COTL1: variants seen among roughly 807,000 people sequenced by gnomAD.
The protein encoded by COTL1 is coactosin-like protein.
A neutral mutation model predicts 16.5 loss-of-function variants in COTL1; 15 were observed. That is an observed-to-expected ratio of 0.91 (90% CI 0.61 to 1.40). The LOEUF is 1.40. Among genes scored for constraint, COTL1 ranks in the 40% most tolerant of loss-of-function variants. COTL1 has a pLI of 0.00. For missense variants in COTL1, 220 were observed against 201.5 expected (o/e 1.09, Z -0.56); for synonymous variants, 112 against 85.3 (o/e 1.31, Z -1.73).
chr16:84,605,413 C>T (rs983315134), intron 2 of COTL1, among the ~76,000 whole-genome samples: 4 of 152,212 alleles, frequency 2.6e-5, no homozygotes, highest in African/African-American at 9.6e-5. Context: ...AACAACGGCC[C>T]CTAAGACATC....
Position 84,590,433 on chromosome 16 carries a change from G to T in COTL1, c.161-171C>A. On this transcript the variant is annotated intron_variant, in intron 2 of 3. Coordinates refer to ENST00000262428, the MANE Select transcript of COTL1 (RefSeq NM_021149.5). The surrounding 1 kb of genome is among the most constrained non-coding windows in gnomAD (Gnocchi z 5.5). Reference sequence around the variant, plus strand: ...GACAGGAGGGAAGCACTCATCCGCTGCCCTTGTCACACTCCCCTGAATCCT... The same window carrying T: ...GACAGGAGGGAAGCACTCATCCGCTTCCCTTGTCACACTCCCCTGAATCCT... The T allele has an allele frequency of 1.6e-6, 1 of 625,070 alleles. No homozygotes were observed. Among genetic ancestry groups the T allele is most frequent in the Non-Finnish European group, 2.6e-6 (1 of 378,270 alleles). 38.7% of individuals were successfully genotyped at this position (625,070 alleles called of 1,614,324 possible).
intron 3 of COTL1, among the ~76,000 whole-genome samples, chr16:84,581,529 G>A (rs1269658170): frequency 6.6e-6 from 1 of 152,070 alleles, no homozygotes; most frequent in Non-Finnish European, 1.5e-5. Context: ...TTGAGATGGA[G>A]TATCACTCTG....
At chr16:84,602,403 C>T (rs558859486) in intron 2 of COTL1, among the ~76,000 whole-genome samples, 5 of 138,186 alleles carry the variant, frequency 3.6e-5, no homozygotes, top group Admixed American at 1.5e-4. Flanking sequence ...AACTTTTTTT[C>T]TTTTAATTAA....
At chr16:84,607,176 C>T (rs530888671) in intron 2 of COTL1, among the ~76,000 whole-genome samples, 11 of 152,264 alleles carry the variant, frequency 7.2e-5, no homozygotes, top group South Asian at 6.2e-4. Flanking sequence ...GACCACCATA[C>T]GGGACACCAA....
intron 2 of COTL1, among the ~76,000 whole-genome samples, chr16:84,604,714 A>AG (rs34115449): frequency 6.6e-6 from 1 of 152,102 alleles, no homozygotes; most frequent in African/African-American, 2.4e-5. Context: ...AGGGGCCCAG[A>AG]GGGGGCTGTG....
chr16:84,614,245 G>T (rs1418820367), intron 2 of COTL1, among the ~76,000 whole-genome samples: 1 of 152,380 alleles, frequency 6.6e-6, no homozygotes, highest in Non-Finnish European at 1.5e-5. Flanking sequence ...AGCAAGAGCG[G>T]AGGTAGCGGA....
intron 3 of COTL1, among the ~76,000 whole-genome samples, chr16:84,583,873 T>A: frequency 6.6e-6 from 1 of 152,146 alleles, no homozygotes; most frequent in South Asian, 2.1e-4. Flanking sequence ...GCCTCTGTTG[T>A]CCTCTGTTCC....
intron 2 of COTL1, among the ~76,000 whole-genome samples, chr16:84,598,811 C>G (rs1209631839): frequency 3.4e-5 from 3 of 89,120 alleles, no homozygotes; most frequent in African/African-American, 1.1e-4. Context: ...CGGCGGGGAC[C>G]AAGCGGCAGG....
At chr16:84,586,471 T>G (rs1002527991) in intron 3 of COTL1, among the ~76,000 whole-genome samples, 1 of 152,128 alleles carries the variant, frequency 6.6e-6, no homozygotes, top group African/African-American at 2.4e-5. Context: ...AGGTTTCCTT[T>G]GGGGGTGATG....
At chr16:84,615,860 T>TGTGTGTGTGA (rs1905465184) in intron 2 of COTL1, 1 of 151,162 alleles carries the variant, frequency 6.6e-6, no homozygotes, top group African/African-American at 2.5e-5. Flanking sequence ...GTTTTGTGTG[T>TGTGTGTGTGA]GTGTGTGTGT....
At chr16:84,614,969 T>A (rs1467406638) in intron 2 of COTL1, among the ~76,000 whole-genome samples, 2 of 152,158 alleles carry the variant, frequency 1.3e-5, no homozygotes, top group Non-Finnish European at 2.9e-5. Context: ...TCTCTGGGCC[T>A]CCGTTTCCTC....
intron 3 of COTL1, chr16:84,567,813 C>G (rs1411394180): frequency 6.6e-6 from 1 of 152,152 alleles, no homozygotes; most frequent in Non-Finnish European, 1.5e-5. Context: ...TTATCAGACA[C>G]CCTTAAGCCA....
chr16:84,598,719 G>T (rs1192817248), intron 2 of COTL1, among the ~76,000 whole-genome samples: 2 of 150,044 alleles, frequency 1.3e-5, no homozygotes, highest in African/African-American at 4.9e-5. Context: ...AAGGCCAGAG[G>T]GGGTAAAGGA....
At position 84,599,316 on chromosome 16, in the gene COTL1, C is replaced by A. The variant is rs568009880; in HGVS notation, c.161-9054G>T. Among the ~76,000 whole-genome samples, 6 of 152,334 alleles carry A rather than the reference C, an allele frequency of 3.9e-5. No individual in the cohort carries two copies. The South Asian group carries it at 1.2e-3, about 32-fold the overall frequency. On this transcript the variant is annotated intron_variant, in intron 2 of 3. Coordinates refer to ENST00000262428, the MANE Select transcript of COTL1 (RefSeq NM_021149.5). ...GAAGGAGGATCTGCTATGGGTCGAG[C>A]ACTGTGTAACTTTCTTAACACTTTT...
intron 3 of COTL1, among the ~76,000 whole-genome samples, chr16:84,574,380 C>T (rs1290145136): frequency 6.6e-6 from 1 of 152,204 alleles, no homozygotes; most frequent in Non-Finnish European, 1.5e-5. Flanking sequence ...AGTCTGGGGG[C>T]ACCGTCACCT....
chr16:84,606,999 T>A (rs1309776860), intron 2 of COTL1, among the ~76,000 whole-genome samples: 1 of 152,108 alleles, frequency 6.6e-6, no homozygotes, highest in African/African-American at 2.4e-5. Context: ...ATTCAGCCCA[T>A]GACTTGGGCC....
rs187951498 is a variant in COTL1 at position 84,573,686 on chromosome 16, G to A, written c.319-6731C>T. Among the ~76,000 whole-genome samples, 594 of 151,792 alleles carry A rather than the reference G, an allele frequency of 3.9e-3. 5 individuals are homozygous for A. The highest frequency in any genetic ancestry group is 0.014 in the African/African-American group (569 of 41,366). ...ACCGGGGAGGCGGAAGTTGCAGTGA[G>A]CTTAGATCGCACCATTGCACTCCAG... On this transcript the variant is annotated intron_variant, in intron 3 of 3. Coordinates refer to ENST00000262428, the MANE Select transcript of COTL1 (RefSeq NM_021149.5).
At chr16:84,598,654 C>A (rs188809021) in intron 2 of COTL1, among the ~76,000 whole-genome samples, 6 of 72,866 alleles carry the variant, frequency 8.2e-5, no homozygotes, top group Non-Finnish European at 2.0e-4. Context: ...CTTCTCCCCC[C>A]CAACCCCCCC....
At chr16:84,584,762 A>G (rs1012727098) in intron 3 of COTL1, among the ~76,000 whole-genome samples, 2 of 152,222 alleles carry the variant, frequency 1.3e-5, no homozygotes, top group Non-Finnish European at 2.9e-5. Flanking sequence ...CCCAGAAATT[A>G]AGACATTGTT....
Sources: gnomAD v4.1 joint callset for allele counts (sites outside exome capture counted in the v4.1 genomes callset) on GRCh38, gnomAD v4.1.1 for gene constraint, Gnocchi (gnomAD v3.1) non-coding constraint, MANE v1.5 for transcripts, NCBI Gene and HGNC (gene_info 2026-07-23, HGNC 2026-07-21) for gene names.